SPHKAP: variants seen among roughly 807,000 people sequenced by gnomAD.
SPHKAP encodes the protein SPHK1 interactor, AKAP domain containing.
SPHKAP carries 67 observed loss-of-function variants against 137.5 expected under a neutral mutation model. The observed-to-expected ratio is 0.49, with a 90% CI of 0.40 to 0.60. The LOEUF is 0.60. Among genes scored for constraint, SPHKAP ranks in the 20% least tolerant of loss-of-function variants. The pLI is 0.00. For missense variants in SPHKAP, 2,097 were observed against 2,069.3 expected (o/e 1.01, Z -0.26); for synonymous variants, 813 against 785.3 (o/e 1.04, Z -0.59).
intron 3 of SPHKAP, among the ~76,000 whole-genome samples, chr2:228,099,827 T>C (rs1698126054): frequency 6.7e-6 from 1 of 149,784 alleles, no homozygotes. Context: ...GTATTATTGG[T>C]GTACAGAAAT....
chr2:228,172,089 TATATA>T (rs1424263240), intron 1 of SPHKAP, among the ~76,000 whole-genome samples: 68 of 152,280 alleles, frequency 4.5e-4, no homozygotes, highest in African/African-American at 1.5e-3. Context: ...GAATGTATAA[TATATA>T]ATAAATGTAC....
At chr2:228,090,693 C>G (rs1697698593) in intron 3 of SPHKAP, among the ~76,000 whole-genome samples, 1 of 151,504 alleles carries the variant, frequency 6.6e-6, no homozygotes. Context: ...GTGCCAACTC[C>G]TTGATGATGA....
At chr2:228,156,885 C>T (rs1700123259) in intron 1 of SPHKAP, among the ~76,000 whole-genome samples, 1 of 152,090 alleles carries the variant, frequency 6.6e-6, no homozygotes. Context: ...TGAGGCCTCC[C>T]CAGCCATATG....
At chr2:228,133,331 AAAT>A (rs1397419695) in intron 1 of SPHKAP, among the ~76,000 whole-genome samples, 3 of 98,160 alleles carry the variant, frequency 3.1e-5, no homozygotes, top group Non-Finnish European at 6.8e-5. Flanking sequence ...ATAAATAAAT[AAAT>A]AAATAAATAA....
At chr2:228,118,124 A>G (rs1281423881) in intron 2 of SPHKAP, among the ~76,000 whole-genome samples, 1 of 151,660 alleles carries the variant, frequency 6.6e-6, no homozygotes, top group Non-Finnish European at 1.5e-5. Flanking sequence ...GCCTTTTATG[A>G]CCTGTTTCTT....
At chr2:228,168,557 T>C (rs2106424033) in intron 1 of SPHKAP, among the ~76,000 whole-genome samples, 1 of 152,324 alleles carries the variant, frequency 6.6e-6, no homozygotes, top group East Asian at 1.9e-4. Flanking sequence ...ACCATGGCTA[T>C]ACAAGAAGGC....
intron 1 of SPHKAP, among the ~76,000 whole-genome samples, chr2:228,140,839 A>T (rs961754091): frequency 1.3e-5 from 2 of 152,126 alleles, no homozygotes; most frequent in South Asian, 2.1e-4. Flanking sequence ...GCCATGTGAC[A>T]TGCCCACTCC....
chr2:227,998,976 A>C (rs1574723348), intron 7 of SPHKAP, among the ~76,000 whole-genome samples: 1 of 152,300 alleles, frequency 6.6e-6, no homozygotes. Context: ...TGGCTGCAGA[A>C]AGGTCTATGT....
intron 11 of SPHKAP, among the ~76,000 whole-genome samples, chr2:227,985,736 C>G (rs1693187011): frequency 6.6e-6 from 1 of 152,060 alleles, no homozygotes; most frequent in Non-Finnish European, 1.5e-5. Flanking sequence ...TAGGAGATAA[C>G]TTTTATATTC....
intron 3 of SPHKAP, among the ~76,000 whole-genome samples, chr2:228,061,439 T>G (rs1435036283): frequency 6.6e-6 from 1 of 151,914 alleles, no homozygotes; most frequent in East Asian, 1.9e-4. Flanking sequence ...CAGCTAATTT[T>G]GTATGTATTT....
Position 228,019,171 on chromosome 2 carries a change from C to CT in SPHKAP, c.1682_1683insA (p.Met561IlefsTer15). 6.2e-7 allele frequency: 1 copy of CT among 1,613,782 alleles called. No homozygotes were observed. Among genetic ancestry groups the CT allele is most frequent in the Non-Finnish European group, 8.5e-7 (1 of 1,180,032 alleles). ...CAGCCACGGCACTGGCCACCTGAGT[C>CT]ATGCCACACAAAGCAGATGGAAAGG... On this transcript the variant is annotated frameshift_variant, in exon 7 of 12. Coordinates refer to ENST00000392056, the MANE Select transcript of SPHKAP (RefSeq NM_001142644.2). LOFTEE classifies it high-confidence loss of function.
chr2:228,093,547 A>G (rs1287149345), intron 3 of SPHKAP, among the ~76,000 whole-genome samples: 1 of 152,202 alleles, frequency 6.6e-6, no homozygotes, highest in Admixed American at 6.5e-5. Flanking sequence ...TTCCATTTTT[A>G]TGAGTAAACA....
chr2:228,008,996 T>A (rs1694254071), intron 7 of SPHKAP, among the ~76,000 whole-genome samples: 1 of 152,208 alleles, frequency 6.6e-6, no homozygotes. Flanking sequence ...ATTAGTTTGT[T>A]GATATCTGCA....
intron 1 of SPHKAP, among the ~76,000 whole-genome samples, chr2:228,132,765 A>T (rs1185591416): frequency 6.6e-6 from 1 of 151,562 alleles, no homozygotes; most frequent in Non-Finnish European, 1.5e-5. Flanking sequence ...TGGGAAGCTG[A>T]GGCAGGCGGA....
chr2:228,083,357 C>T (rs974517104), intron 3 of SPHKAP, among the ~76,000 whole-genome samples: 5 of 152,186 alleles, frequency 3.3e-5, no homozygotes, highest in Non-Finnish European at 7.3e-5. Context: ...CTGTTGTTTC[C>T]TGGCTTTTTA....
intron 3 of SPHKAP, among the ~76,000 whole-genome samples, chr2:228,079,433 T>G (rs1262776263): frequency 1.3e-5 from 2 of 152,164 alleles, no homozygotes; most frequent in African/African-American, 2.4e-5. Flanking sequence ...AGGCTTCAGG[T>G]CTGCTCCAGT....
At chr2:228,020,749 TGAC>T (rs1319341835) in intron 6 of SPHKAP, among the ~76,000 whole-genome samples, 3 of 152,130 alleles carry the variant, frequency 2.0e-5, no homozygotes, top group African/African-American at 7.2e-5. Flanking sequence ...AATAAAGCAT[TGAC>T]TTTTTTTCCC....
At chr2:228,093,884 A>AAAAC (rs1697898280) in intron 3 of SPHKAP, among the ~76,000 whole-genome samples, 1 of 141,896 alleles carries the variant, frequency 7.0e-6, no homozygotes, top group Non-Finnish European at 1.6e-5. Context: ...AAAAAAAAAA[A>AAAAC]AACAAAGCTA....
chr2:228,162,427 A>T (rs1700300238), intron 1 of SPHKAP, among the ~76,000 whole-genome samples: 1 of 152,202 alleles, frequency 6.6e-6, no homozygotes, highest in South Asian at 2.1e-4. Context: ...CTTCCCCTTA[A>T]TTACTGATTG....
Sources: allele counts gnomAD v4.1 joint callset (sites outside exome capture counted in the v4.1 genomes callset), GRCh38; gene constraint gnomAD v4.1.1; transcripts MANE v1.5; gene names NCBI Gene and HGNC (gene_info 2026-07-23, HGNC 2026-07-21).